Variants in ATN1 observed in about 807,000 individuals in gnomAD.
The protein encoded by ATN1 is atrophin-1.
In ATN1, 19 loss-of-function variants were observed where a neutral mutation model predicts 85.8. That is an observed-to-expected ratio of 0.22 (90% CI 0.15 to 0.32). The LOEUF is 0.32. Ranked by LOEUF, ATN1 falls within the 10% of genes least tolerant of loss-of-function variation. The pLI is 1.00. For missense variants in ATN1, 1,453 were observed against 1,564.5 expected, an observed-to-expected ratio of 0.93 and a Z score of 1.20; for synonymous variants, 674 against 657.0, an observed-to-expected ratio of 1.03 and a Z score of -0.39.
At position 6,937,902 on chromosome 12, in the gene ATN1, C is replaced by T. The variant is rs1418627045; in HGVS notation, c.2352C>T (p.Phe784=). 6 of 1,597,180 alleles carry T rather than the reference C, an allele frequency of 3.8e-6. No homozygotes were observed. The highest frequency in any genetic ancestry group is 5.1e-6 in the Non-Finnish European group (6 of 1,172,690). ...CGTGCGCGCGCAGCGACCTGTACTT[C>T]GTGCCACTGGAGGGCTCCAAGCTGG... is the stretch of plus-strand genomic sequence containing the variant. ...FNSCARSDLY[F]VPLEGSKLAK... is the part of the protein sequence containing the mutation. Residue 784 remains phenylalanine, a synonymous_variant, in exon 6 of 10, where the codon TTC becomes TTT. Transcript: ENST00000396684. The surrounding 1 kb of genome is among the most constrained non-coding windows in gnomAD (Gnocchi z 6.0).
intron 6 of ATN1, among the ~76,000 whole-genome samples, 182 bp downstream of exon 6, chr12:6,938,249 A>G (rs1945580549): frequency 2.6e-5 from 4 of 152,206 alleles, no homozygotes; most frequent in Non-Finnish European, 5.9e-5. Context: ...GTTTTCAGCG[A>G]GAGCCATCTG....
Position 6,936,254 on chromosome 12 carries a change from G to A in ATN1, c.987G>A (p.Leu329=), listed in dbSNP as rs137926388. Residue 329 remains leucine (L), a synonymous_variant, in exon 5 of 10, where the codon CTG becomes CTA. Coordinates refer to ENST00000396684, the MANE Select transcript of ATN1 (RefSeq NM_001940.4). ...GGGCCCAACCACTACCTGGTCATCT[G>A]CCCTCTCCCCACGCCATGGGACAGG... ...GLGAQPLPGH[L]PSPHAMGQGM... The A allele has an allele frequency of 1.2e-4, 194 of 1,609,642 alleles. No homozygotes were observed. Among genetic ancestry groups the A allele is most frequent in the Non-Finnish European group, 1.6e-4 (185 of 1,177,252 alleles).
At chr12:6,927,030 C>A (rs910076307), upstream of ATN1, among the ~76,000 whole-genome samples, 1 of 151,966 alleles carries the variant, frequency 6.6e-6, no homozygotes, top group East Asian at 1.9e-4. Flanking sequence ...CACCTGGGCC[C>A]ACCTCGTTCA....
Position 6,933,898 on chromosome 12 carries a change from T to G in ATN1, c.-104T>G. 2 of 1,423,338 alleles carry G rather than the reference T, an allele frequency of 1.4e-6. No homozygotes were observed. The highest frequency in any genetic ancestry group is 2.5e-5 in the South Asian group (2 of 80,340). The allele number at this position is 1,423,338 out of a possible 1,614,324, so 88.2% of individuals were successfully genotyped here. A position where few individuals can be genotyped will look rare whatever the true frequency, so the allele number is the denominator to read the frequency against. ...GGTGCCCACACTGGAAACTTGGAGA[T>G]CCTGCTTCCCAGACCACAGCTGTGG... On this transcript the variant is annotated 5_prime_UTR_variant, in exon 2 of 10. Transcript: ENST00000396684.
rs782222013 is a variant in ATN1 at position 6,941,008 on chromosome 12, C to T, written c.3343C>T (p.Arg1115Cys). 6.8e-6 allele frequency: 11 copies of T among 1,614,022 alleles called. No individual in the cohort carries two copies. Among genetic ancestry groups the T allele is most frequent in the South Asian group, 2.2e-5 (2 of 91,094 alleles). ...CCCTCTGCACGAGAACGAAGTTCTT[C>T]GTCACCAGCTCTTTGGTAAGGATGG... ...PHPLHENEVLRHQLFAAPYRD... is the reference protein window; with the variant it reads ...PHPLHENEVLCHQLFAAPYRD... Residue 1115 changes from arginine (R) to cysteine (C), a missense_variant, in exon 8 of 10, where the codon CGT becomes TGT. By Grantham distance (180) the Arg-to-Cys change is radical. Transcript: ENST00000396684. The surrounding 1 kb of genome is among the most constrained non-coding windows in gnomAD (Gnocchi z 5.9).
At position 6,938,049 on chromosome 12, in the gene ATN1, C is replaced by A. The variant is rs1192614766; in HGVS notation, c.2499C>A (p.Arg833=). 1 of 1,545,772 alleles carries A rather than the reference C, an allele frequency of 6.5e-7. No individual in the cohort carries two copies. Among genetic ancestry groups the A allele is most frequent in the African/African-American group, 1.4e-5 (1 of 72,884 alleles). Residue 833 remains arginine (R), a synonymous_variant, in exon 6 of 10, where the codon CGC becomes CGA. Transcript: ENST00000396684. The part of the protein sequence containing the change: ...REKEREREKE[R]ELERSVKLAQ... ...AAGAGCGCGAGCGCGAGAAGGAGCG[C>A]GAGCTTGAACGCAGCGTGGTGAGTG...
intron 1 of ATN1, among the ~76,000 whole-genome samples, 195 bp downstream of exon 1, chr12:6,928,579 C>T (rs185156096): frequency 2.0e-4 from 30 of 152,150 alleles, no homozygotes; most frequent in Admixed American, 1.8e-3. Flanking sequence ...GGGTGGGGCC[C>T]GCCGAGGAGA....
Position 6,933,990 on chromosome 12 carries a change from A to G in ATN1, c.-12A>G, listed in dbSNP as rs148970839. Reference sequence around the variant, plus strand: ...CCAGGCAGAGGAGAATGGGGTCTCCACAGCCTGAAGAATGAAGACACGACA... The same window carrying G: ...CCAGGCAGAGGAGAATGGGGTCTCCGCAGCCTGAAGAATGAAGACACGACA... On this transcript the variant is annotated 5_prime_UTR_variant, in exon 2 of 10. Transcript: ENST00000396684. The G allele has an allele frequency of 2.1e-4, 341 of 1,602,156 alleles. No homozygotes were observed. Among genetic ancestry groups the G allele is most frequent in the Non-Finnish European group, 2.6e-4 (308 of 1,174,398 alleles).
Position 6,935,961 on chromosome 12 carries a change from C to A in ATN1, c.694C>A (p.Pro232Thr). The change falls in exon 5 of 10, where the codon CCA (proline) becomes ACA (threonine). Residue 232 changes from proline (P) to threonine (T), a missense_variant. Physicochemically the swap from Pro to Thr is conservative, Grantham distance 38. Coordinates refer to ENST00000396684, the MANE Select transcript of ATN1 (RefSeq NM_001940.4). This position sits in a 1 kb window ranked among gnomAD's most constrained non-coding sequence, Gnocchi z 5.3. The part of the protein sequence containing the change: ...GGTGGVLSGP[P>T]MGPKGGGAAS... ...CACTGGTGGAGTTTTGTCTGGACCC[C>A]CAATGGGTCCCAAGGGGGGAGGGGC... The A allele has an allele frequency of 6.3e-7, 1 of 1,591,332 alleles. No homozygotes were observed. The highest frequency in any genetic ancestry group is 8.6e-7 in the Non-Finnish European group (1 of 1,167,656).
At chr12:6,925,868 C>T (rs1945394354), upstream of ATN1, among the ~76,000 whole-genome samples, 1 of 152,238 alleles carries the variant, frequency 6.6e-6, no homozygotes, top group South Asian at 2.1e-4. Flanking sequence ...AAGTACCCGA[C>T]CCCCACCCCA....
upstream of ATN1, among the ~76,000 whole-genome samples, chr12:6,927,531 C>A (rs1460515653): frequency 2.6e-5 from 4 of 152,124 alleles, no homozygotes; most frequent in Non-Finnish European, 5.9e-5. Flanking sequence ...TCCTACCTAG[C>A]CCTCTCCCGC....
chr12:6,933,275 G>A (rs1945488976), intron 1 of ATN1, among the ~76,000 whole-genome samples: 1 of 151,152 alleles, frequency 6.6e-6, no homozygotes, highest in South Asian at 2.1e-4. Context: ...GGAGTGCAGT[G>A]GCATGATCTC....
Position 6,941,464 on chromosome 12 carries a change from T to C in ATN1, c.3449T>C (p.Leu1150Pro). Residue 1150 changes from leucine (L) to proline (P), a missense_variant, in exon 9 of 10, where the codon CTG becomes CCG. Physicochemically the swap from Leu to Pro is moderately conservative, Grantham distance 98. Around this residue, in one of 6 missense-constraint regions of ATN1, gnomAD observed 118 missense variants for 163.7 expected, o/e 0.72. Coordinates refer to ENST00000396684, the MANE Select transcript of ATN1 (RefSeq NM_001940.4). The surrounding 1 kb of genome is among the most constrained non-coding windows in gnomAD (Gnocchi z 5.9). The stretch of plus-strand genomic sequence containing the variant: ...GCCATGCACGCACAGTCAGCTGAGC[T>C]GCAGCGCTTGGCGCTGGAACAGCAG... Reference protein sequence around the residue: ...LQAMHAQSAELQRLALEQQQW... With the variant: ...LQAMHAQSAEPQRLALEQQQW... 6.2e-7 allele frequency: 1 copy of C among 1,612,928 alleles called. No individual in the cohort carries two copies. Among genetic ancestry groups the C allele is most frequent in the South Asian group, 1.1e-5 (1 of 91,078 alleles).
upstream of ATN1, among the ~76,000 whole-genome samples, chr12:6,927,545 G>C (rs1323856794): frequency 4.1e-5 from 6 of 147,184 alleles, no homozygotes; most frequent in African/African-American, 1.5e-4. Flanking sequence ...CTCCCGCGCC[G>C]GGCCCGCGGG....
chr12:6,937,929 C>G lies in ATN1; in HGVS notation c.2379C>G (p.Ala793=). 6.3e-7 allele frequency: 1 copy of G among 1,592,628 alleles called. No individual in the cohort carries two copies. Among genetic ancestry groups the G allele is most frequent in the South Asian group, 1.1e-5 (1 of 88,170 alleles). ...YFVPLEGSKL[A]KKRADLVEKV... ...TGCCACTGGAGGGCTCCAAGCTGGC[C>G]AAGAAGCGGGCCGACCTGGTGGAGA... The change falls in exon 6 of 10, where the codon GCC becomes GCG. Residue 793 remains alanine (A), a synonymous_variant. Transcript: ENST00000396684. This position sits in a 1 kb window ranked among gnomAD's most constrained non-coding sequence, Gnocchi z 6.0.
intron 1 of ATN1, among the ~76,000 whole-genome samples, chr12:6,932,289 G>T (rs1424974459): frequency 1.3e-5 from 2 of 152,134 alleles, no homozygotes; most frequent in African/African-American, 4.8e-5. Flanking sequence ...CTCCAACTCA[G>T]AATAGAATAC....
In ATN1 at chr12:6,934,101, G is replaced by C. The variant is rs1555143301; in HGVS notation, c.27+73G>C. ...CTAGGAGGAAGGGTCTAGAGAAGAA[G>C]AACAAATAATGTGCACCATAAAGTT... On this transcript the variant is annotated intron_variant, in intron 2 of 9. Transcript: ENST00000396684. The surrounding 1 kb of genome is among the most constrained non-coding windows in gnomAD (Gnocchi z 4.5). 3.1e-6 allele frequency: 5 copies of C among 1,613,494 alleles called. No homozygotes were observed. Among genetic ancestry groups the C allele is most frequent in the South Asian group, 1.1e-5 (1 of 91,000 alleles).
rs1555143384 is a variant in ATN1, at chr12:6,934,835, G to C, written c.279+257G>C. Among the ~76,000 whole-genome samples, 1 of 152,182 alleles carries C rather than the reference G, an allele frequency of 6.6e-6. No homozygotes were observed. Among genetic ancestry groups the C allele is most frequent in the East Asian group, 1.9e-4 (1 of 5,198 alleles). ...GTCTCTGGGTGAGAAGTCTTAGTCGGAGGAACAAATAAATCTTAAGGAAAA... is the reference window on the plus strand; with the variant it reads ...GTCTCTGGGTGAGAAGTCTTAGTCGCAGGAACAAATAAATCTTAAGGAAAA... On this transcript the variant is annotated intron_variant, in intron 4 of 9. Coordinates refer to ENST00000396684, the MANE Select transcript of ATN1 (RefSeq NM_001940.4). The surrounding 1 kb of genome is among the most constrained non-coding windows in gnomAD (Gnocchi z 4.5).
chr12:6,940,621 C>G (rs991828572), intron 7 of ATN1, among the ~76,000 whole-genome samples: 1 of 152,132 alleles, frequency 6.6e-6, no homozygotes, highest in Non-Finnish European at 1.5e-5. Context: ...TTCACGCAGT[C>G]TACCTCTCTC....
Sources: allele counts gnomAD v4.1 joint callset (sites outside exome capture counted in the v4.1 genomes callset), GRCh38; gene constraint gnomAD v4.1.1; regional missense constraint gnomAD v4.1.1; non-coding constraint Gnocchi (gnomAD v3.1); transcripts MANE v1.5; gene names NCBI Gene and HGNC (gene_info 2026-07-23, HGNC 2026-07-21).